The following NBEA variants were observed in gnomAD, a reference collection of about 807,000 sequenced individuals.
The protein encoded by NBEA is neurobeachin, also known as lysosomal-trafficking regulator 2.
A neutral mutation model predicts 343.4 loss-of-function variants in NBEA; 44 were observed. That is an observed-to-expected ratio of 0.13 (90% CI 0.10 to 0.16). The LOEUF is 0.16. NBEA is among the 10% of genes least tolerant of loss of function. The probability of loss-of-function intolerance (pLI) is 1.00; values close to 1 mark genes in which losing one functional copy is unlikely to be tolerated. For synonymous variants in NBEA, 1,175 were observed against 1,238.7 expected (o/e 0.95, Z 1.08); for missense variants, 2,555 against 3,631.3 (o/e 0.70, Z 7.62).
rs144426605 is a variant in NBEA, at chr13:35,399,011, C to G, written c.6180-33258C>G. ...TGATCTTAGCTAGATCATTATATAACTTGCTGCAGCTTCTACATCAGTACT... is the reference window on the plus strand; with the variant it reads ...TGATCTTAGCTAGATCATTATATAAGTTGCTGCAGCTTCTACATCAGTACT... On this transcript the variant is annotated intron_variant, in intron 38 of 58. Transcript: ENST00000379939. 5.3e-3 allele frequency among the ~76,000 whole-genome samples: 800 copies of G among 152,246 alleles called. 5 individuals carry two copies. The highest frequency in any genetic ancestry group is 0.017 in the South Asian group (80 of 4,820).
intron 35 of NBEA, among the ~76,000 whole-genome samples, chr13:35,302,395 G>A (rs2036613100): frequency 6.6e-6 from 1 of 152,108 alleles, no homozygotes. Flanking sequence ...GTTCATAATT[G>A]TTCATGTAGT....
intron 33 of NBEA, among the ~76,000 whole-genome samples, chr13:35,222,213 G>GT (rs2074406791): frequency 6.6e-6 from 1 of 151,926 alleles, no homozygotes; most frequent in East Asian, 1.9e-4. Context: ...AGAAAAATGT[G>GT]TAACTTTTTG....
rs1332423891 is a variant in NBEA, at chr13:35,179,854, G to A, written c.4663-2506G>A. 4.4e-6 allele frequency: 4 copies of A among 900,330 alleles called. No individual in the cohort carries two copies. In the African/African-American group the frequency reaches 7.2e-5, roughly 16 times the overall value. 55.8% of individuals were successfully genotyped at this position (900,330 alleles called of 1,614,324 possible). The stretch of plus-strand genomic sequence containing the variant: ...CATTTTCCTTTGTAATAACTGCTTA[G>A]GCATTTGATTTCTTCACTTCTCTCT... On this transcript the variant is annotated intron_variant, in intron 28 of 58. Transcript: ENST00000379939.
intron 41 of NBEA, among the ~76,000 whole-genome samples, chr13:35,497,648 A>G (rs747540277): frequency 1.3e-5 from 2 of 152,024 alleles, no homozygotes; most frequent in Non-Finnish European, 2.9e-5. Flanking sequence ...TGACCCATCA[A>G]TTTAGATAGT....
chr13:35,158,895 C>A, intron 21 of NBEA, 121 bp from the exon 22 acceptor site: 1 of 878,330 alleles, frequency 1.1e-6, no homozygotes. Context: ...CAAATGCCAG[C>A]TTTGAAGTCT....
At chr13:35,263,646 T>C (rs1433615939) in intron 34 of NBEA, among the ~76,000 whole-genome samples, 1 of 151,922 alleles carries the variant, frequency 6.6e-6, no homozygotes, top group East Asian at 1.9e-4. Context: ...AAATCACAAA[T>C]ACATGGAAAT....
chr13:35,145,246 T>A (rs917694809), intron 18 of NBEA, among the ~76,000 whole-genome samples: 7 of 152,208 alleles, frequency 4.6e-5, no homozygotes, highest in Non-Finnish European at 8.8e-5. Flanking sequence ...ATCAAAATCT[T>A]GCAAATTCCT....
chr13:35,038,504 C>T (rs1174330763), intron 1 of NBEA, among the ~76,000 whole-genome samples: 2 of 152,088 alleles, frequency 1.3e-5, no homozygotes, highest in Non-Finnish European at 2.9e-5. Flanking sequence ...CTCAGAAACT[C>T]ACCAAGGCCC....
chr13:35,323,497 T>C (rs993565528), intron 36 of NBEA, among the ~76,000 whole-genome samples: 23 of 141,822 alleles, frequency 1.6e-4, no homozygotes, highest in Non-Finnish European at 3.3e-4. Context: ...TTCTCACTCA[T>C]AGGTAGGAAT....
At chr13:35,295,475 T>C (rs1257290636) in intron 35 of NBEA, among the ~76,000 whole-genome samples, 1 of 152,108 alleles carries the variant, frequency 6.6e-6, no homozygotes, top group African/African-American at 2.4e-5. Flanking sequence ...GGGCATTTAA[T>C]TTTTTTGGAG....
At chr13:35,511,493 CAAAG>C (rs907184251) in intron 41 of NBEA, among the ~76,000 whole-genome samples, 1 of 152,034 alleles carries the variant, frequency 6.6e-6, no homozygotes, top group African/African-American at 2.4e-5. Flanking sequence ...ACCCATTTGA[CAAAG>C]AAAGAAAAAA....
At chr13:35,360,142 G>T (rs1333722463) in intron 38 of NBEA, among the ~76,000 whole-genome samples, 2 of 151,928 alleles carry the variant, frequency 1.3e-5, no homozygotes, top group Non-Finnish European at 2.9e-5. Flanking sequence ...CCTAAAGCTT[G>T]TAGTCATTTC....
chr13:35,161,754 T>G lies in NBEA; in HGVS notation c.3866T>G (p.Val1289Gly). 1.6e-5 allele frequency: 26 copies of G among 1,608,990 alleles called. No individual in the cohort carries two copies. Among genetic ancestry groups the G allele is most frequent in the Non-Finnish European group, 2.2e-5 (26 of 1,177,642 alleles). ...GTTCATCTTTTCCTTCTTTAGGCTG[T>G]GCAGGGTCGGTCTATCACCCAACAA... ...KIQTTTTTQA[V>G]QGRSITQQDR... The change falls in exon 23 of 59, where the codon GTG becomes GGG. Residue 1289 changes from valine to glycine, a missense_variant. Val to Gly is a moderately radical substitution (Grantham distance 109). Around this residue, in one of 21 missense-constraint regions of NBEA, gnomAD observed 367 missense variants for 377.5 expected, o/e 0.97. Coordinates refer to ENST00000379939, the MANE Select transcript of NBEA (RefSeq NM_001385012.1).
chr13:35,554,751 CA>C (rs2079507860), intron 43 of NBEA, among the ~76,000 whole-genome samples: 1 of 152,098 alleles, frequency 6.6e-6, no homozygotes, highest in African/African-American at 2.4e-5. Context: ...TGTGATTTGA[CA>C]AATAAGGTTG....
chr13:35,147,393 T>C lies in NBEA; in HGVS notation c.2445+5016T>C, dbSNP rs1384214927. 2.6e-5 allele frequency among the ~76,000 whole-genome samples: 4 copies of C among 152,344 alleles called. No homozygotes were observed. The East Asian group carries it at 7.7e-4, about 29-fold the overall frequency. On this transcript the variant is annotated intron_variant, in intron 18 of 58. Coordinates refer to ENST00000379939, the MANE Select transcript of NBEA (RefSeq NM_001385012.1). ...AATTTAGTTGAAAATCAAAGGTACATGCACCTGATGAATGATCCCAGCATC... is the reference window on the plus strand; with the variant it reads ...AATTTAGTTGAAAATCAAAGGTACACGCACCTGATGAATGATCCCAGCATC...
At chr13:35,241,910 G>A (rs1020054871) in intron 34 of NBEA, among the ~76,000 whole-genome samples, 2 of 151,802 alleles carry the variant, frequency 1.3e-5, no homozygotes, top group Non-Finnish European at 2.9e-5. Flanking sequence ...CTTTGGGGTG[G>A]AAGGGAAAGA....
At chr13:35,512,814 G>GAGGT (rs1425810255) in intron 41 of NBEA, among the ~76,000 whole-genome samples, 10 of 152,280 alleles carry the variant, frequency 6.6e-5, no homozygotes, top group African/African-American at 2.4e-4. Context: ...CAGCCTAGAG[G>GAGGT]AGGTACCTTG....
intron 1 of NBEA, among the ~76,000 whole-genome samples, chr13:34,959,523 C>A (rs1041522666): frequency 4.6e-5 from 7 of 151,906 alleles, no homozygotes; most frequent in African/African-American, 1.7e-4. Flanking sequence ...AGTTTCTCAT[C>A]CAGGCCTTAG....
chr13:35,080,282 T>G (rs536929409), intron 10 of NBEA, among the ~76,000 whole-genome samples: 1 of 152,316 alleles, frequency 6.6e-6, no homozygotes, highest in East Asian at 1.9e-4. Context: ...GATCTCTCCC[T>G]TGGTGGCCTA....
Sources: gnomAD v4.1 joint callset for allele counts (sites outside exome capture counted in the v4.1 genomes callset) on GRCh38, gnomAD v4.1.1 for gene constraint, gnomAD v4.1.1 regional missense constraint, MANE v1.5 for transcripts, NCBI Gene and HGNC (gene_info 2026-07-23, HGNC 2026-07-21) for gene names.